The following UST variants were observed in gnomAD, a reference collection of about 807,000 sequenced individuals.
The protein encoded by UST is chondroitin sulfate 2-O-sulfotransferase.
In UST, 21 loss-of-function variants were observed where a neutral mutation model predicts 45.6. The ratio of observed to expected loss-of-function variants is 0.46; its 90% CI spans 0.33 to 0.66. UST has a LOEUF of 0.66. UST is among the 30% of genes least tolerant of loss of function. UST has a pLI of 0.02. For missense variants in UST, 463 were observed against 512.4 expected (o/e 0.90, Z 0.93); for synonymous variants, 215 against 200.6 (o/e 1.07, Z -0.61).
chr6:148,783,770 A>G (rs1776686214), intron 1 of UST, among the ~76,000 whole-genome samples: 1 of 152,096 alleles, frequency 6.6e-6, no homozygotes, highest in South Asian at 2.1e-4. Flanking sequence ...TTTCCTGCTA[A>G]CCTTCTAATT....
chr6:148,814,835 A>G (rs540832774), intron 1 of UST, among the ~76,000 whole-genome samples: 1 of 152,312 alleles, frequency 6.6e-6, no homozygotes, highest in South Asian at 2.1e-4. Context: ...ACTGGTATAG[A>G]GGGGTCAGGG....
At chr6:148,786,647 A>C (rs1433845157) in intron 1 of UST, among the ~76,000 whole-genome samples, 1 of 152,164 alleles carries the variant, frequency 6.6e-6, no homozygotes, top group Non-Finnish European at 1.5e-5. Flanking sequence ...ACTGATGAGC[A>C]TTTAGGTTGA....
chr6:148,967,225 C>T (rs907540663), intron 5 of UST, among the ~76,000 whole-genome samples: 3 of 151,992 alleles, frequency 2.0e-5, no homozygotes, highest in Admixed American at 6.6e-5. Context: ...GCACTGTGTT[C>T]GGGAAGGGTC....
At chr6:148,888,477 C>T (rs1017520227) in intron 2 of UST, among the ~76,000 whole-genome samples, 6 of 152,182 alleles carry the variant, frequency 3.9e-5, no homozygotes, top group Admixed American at 1.3e-4. Flanking sequence ...TCAACACTGA[C>T]GCTGCCACTT....
chr6:148,976,199 G>A (rs1781013355), intron 5 of UST, among the ~76,000 whole-genome samples: 1 of 152,034 alleles, frequency 6.6e-6, no homozygotes, highest in African/African-American at 2.4e-5. Context: ...CACTTTTAAG[G>A]TATTAAACTG....
intron 7 of UST, among the ~76,000 whole-genome samples, chr6:149,072,083 T>C (rs1318621695): frequency 6.6e-6 from 1 of 152,206 alleles, no homozygotes; most frequent in African/African-American, 2.4e-5. Context: ...AATTGGAACC[T>C]TCACACATTG....
intron 1 of UST, among the ~76,000 whole-genome samples, chr6:148,860,977 C>T (rs1273970518): frequency 2.6e-5 from 4 of 152,110 alleles, no homozygotes; most frequent in Admixed American, 1.3e-4. Flanking sequence ...TGTGTCTCTG[C>T]CCGGCTTTGG....
Position 148,748,001 on chromosome 6 carries a change from T to G in UST, c.247+324T>G, listed in dbSNP as rs1775906847. 1.3e-5 allele frequency among the ~76,000 whole-genome samples: 2 copies of G among 152,138 alleles called. No homozygotes were observed. The highest frequency in any genetic ancestry group is 4.8e-5 in the African/African-American group (2 of 41,522). ...GCGGAGTGGATGGGTGTGTGGGGTGTGCCGGAGTGTGTGTATCTTCAGGCC... is the reference window on the plus strand; with the variant it reads ...GCGGAGTGGATGGGTGTGTGGGGTGGGCCGGAGTGTGTGTATCTTCAGGCC... On this transcript the variant is annotated intron_variant, in intron 1 of 7. Transcript: ENST00000367463. This position sits in a 1 kb window ranked among gnomAD's most constrained non-coding sequence, Gnocchi z 5.3.
intron 1 of UST, among the ~76,000 whole-genome samples, chr6:148,801,849 G>A (rs1028828140): frequency 1.2e-4 from 19 of 152,082 alleles, no homozygotes; most frequent in African/African-American, 4.6e-4. Flanking sequence ...AAGTTTCCAG[G>A]TTGTCAGGTT....
At chr6:148,966,724 G>A (rs1780809107) in intron 5 of UST, among the ~76,000 whole-genome samples, 1 of 152,088 alleles carries the variant, frequency 6.6e-6, no homozygotes, top group Admixed American at 6.5e-5. Context: ...ATGGTTTGGA[G>A]TTTCCATTTG....
rs911325116 is a variant in UST at position 148,946,309 on chromosome 6, G to C, written c.447+4875G>C. On this transcript the variant is annotated intron_variant, in intron 3 of 7. Coordinates refer to ENST00000367463, the MANE Select transcript of UST (RefSeq NM_005715.3). ...GTGGATCACCTGAGGTCAGGAGTTCGAGACCAGCCTGGCCAACATGGTGAA... is the reference window on the plus strand; with the variant it reads ...GTGGATCACCTGAGGTCAGGAGTTCCAGACCAGCCTGGCCAACATGGTGAA... 2.0e-5 allele frequency among the ~76,000 whole-genome samples: 3 copies of C among 151,806 alleles called. No individual in the cohort carries two copies. In the East Asian group the frequency reaches 5.8e-4, roughly 29 times the overall value.
chr6:148,858,094 C>T (rs1778239080), intron 1 of UST, among the ~76,000 whole-genome samples: 1 of 152,098 alleles, frequency 6.6e-6, no homozygotes, highest in Non-Finnish European at 1.5e-5. Context: ...TCTGTAGAGG[C>T]ACAGAACTAA....
chr6:148,857,865 CTAGTGGTTGAGAAACCACAGGA>C (rs1371100909), intron 1 of UST, among the ~76,000 whole-genome samples: 4 of 151,194 alleles, frequency 2.6e-5, no homozygotes, highest in Admixed American at 6.6e-5. Flanking sequence ...GTCTGGGTGG[CTAGTGGTTGAGAAACCACAGGA>C]TAGTGGTTTC....
In UST at chr6:149,073,844, C is replaced by A. The variant is rs762258626; in HGVS notation, c.949C>A (p.Leu317Ile). The change falls in exon 8 of 8, where the codon CTT becomes ATT. Residue 317 changes from leucine (L) to isoleucine (I), a missense_variant. Leu to Ile is a conservative substitution (Grantham distance 5). Around this residue, in one of 2 missense-constraint regions of UST, gnomAD observed 287 missense variants for 374.2 expected, o/e 0.77. Transcript: ENST00000367463. ...SIYKDPEHRK[L>I]GNMTVTVKKT... ...CGGTTCTCTTCCAGAGCACAGGAAG[C>A]TTGGAAACATGACTGTGACGGTGAA... is the stretch of plus-strand genomic sequence containing the variant. 1 of 1,613,346 alleles carries A rather than the reference C, an allele frequency of 6.2e-7. No individual in the cohort carries two copies. Among genetic ancestry groups the A allele is most frequent in the Admixed American group, 1.7e-5 (1 of 60,012 alleles).
chr6:149,018,823 C>T (rs1034603527), intron 5 of UST, among the ~76,000 whole-genome samples: 15 of 152,106 alleles, frequency 9.9e-5, no homozygotes, highest in Admixed American at 9.2e-4. Flanking sequence ...GGCGCCACCA[C>T]GAAGCACAGT....
intron 1 of UST, among the ~76,000 whole-genome samples, chr6:148,800,566 AATGAT>A (rs548468869): frequency 0.23 from 34,168 of 151,854 alleles, 4,146 homozygotes; most frequent in East Asian, 0.4. Context: ...GGTTACCAGG[AATGAT>A]TATATAGTTG....
At chr6:149,060,438 C>A (rs1776637209) in intron 7 of UST, among the ~76,000 whole-genome samples, 1 of 152,222 alleles carries the variant, frequency 6.6e-6, no homozygotes, top group African/African-American at 2.4e-5. Flanking sequence ...GACACACATT[C>A]ATTTCCGCTG....
intron 1 of UST, among the ~76,000 whole-genome samples, chr6:148,856,679 T>C (rs1422244483): frequency 6.6e-6 from 1 of 152,208 alleles, no homozygotes; most frequent in African/African-American, 2.4e-5. Flanking sequence ...CACGTGTTTA[T>C]GCGTGAGTTA....
At chr6:148,989,755 G>T (rs2500523) in intron 5 of UST, among the ~76,000 whole-genome samples, 35,531 of 152,136 alleles carry the variant, frequency 0.23, 4,412 homozygotes, top group Middle Eastern at 0.31. Context: ...TAAAGAGGCT[G>T]AAGGGCTTGT....
Sources: gnomAD v4.1 joint callset for allele counts (sites outside exome capture counted in the v4.1 genomes callset) on GRCh38, gnomAD v4.1.1 for gene constraint, gnomAD v4.1.1 regional missense constraint, Gnocchi (gnomAD v3.1) non-coding constraint, MANE v1.5 for transcripts, NCBI Gene and HGNC (gene_info 2026-07-23, HGNC 2026-07-21) for gene names.